GNAQ: variants seen among roughly 807,000 people sequenced by gnomAD.
GNAQ encodes G protein subunit alpha q.
A neutral mutation model predicts 43.9 loss-of-function variants in GNAQ; 8 were observed. That is an observed-to-expected ratio of 0.18 (90% CI 0.11 to 0.33). The LOEUF is 0.33. Ranked by LOEUF, GNAQ falls within the 10% of genes least tolerant of loss-of-function variation. GNAQ has a pLI of 1.00. For synonymous variants in GNAQ, 155 were observed against 170.7 expected (o/e 0.91, Z 0.71); for missense variants, 158 against 450.8 (o/e 0.35, Z 5.88).
intron 5 of GNAQ, among the ~76,000 whole-genome samples, chr9:77,791,695 T>C (rs2118434413): frequency 6.6e-6 from 1 of 152,274 alleles, no homozygotes; most frequent in South Asian, 2.1e-4. Flanking sequence ...GCAAAAGCAA[T>C]AATCTAAAAT....
intron 2 of GNAQ, among the ~76,000 whole-genome samples, chr9:77,910,156 A>G (rs1279259046): frequency 1.3e-5 from 2 of 152,206 alleles, no homozygotes; most frequent in Admixed American, 1.3e-4. Context: ...TTTGCTAAAT[A>G]TTAAGTAAGC....
chr9:77,998,809 G>A (rs1348844207), intron 1 of GNAQ, among the ~76,000 whole-genome samples: 5 of 151,968 alleles, frequency 3.3e-5, no homozygotes, highest in African/African-American at 7.2e-5. Flanking sequence ...TAAAAGGGCC[G>A]GGCACGGTGG....
At chr9:77,989,688 C>A (rs1482269996) in intron 1 of GNAQ, among the ~76,000 whole-genome samples, 1 of 152,220 alleles carries the variant, frequency 6.6e-6, no homozygotes, top group Admixed American at 6.5e-5. Context: ...ACATCTGGAG[C>A]CTTCCCTACC....
intron 6 of GNAQ, among the ~76,000 whole-genome samples, chr9:77,723,140 G>A (rs1024176557): frequency 1.3e-5 from 2 of 152,180 alleles, no homozygotes; most frequent in Non-Finnish European, 2.9e-5. Flanking sequence ...TGGTCAATAA[G>A]CACAGGAAAA....
At chr9:77,848,257 T>A (rs574584707) in intron 2 of GNAQ, among the ~76,000 whole-genome samples, 1 of 152,200 alleles carries the variant, frequency 6.6e-6, no homozygotes, top group African/African-American at 2.4e-5. Context: ...CTCAGTAAAG[T>A]TGAAAGTAAA....
intron 2 of GNAQ, among the ~76,000 whole-genome samples, chr9:77,870,324 G>GTTTTTTTTTTTTTTTTTTTTTTTT (rs781464413): frequency 9.0e-6 from 1 of 111,130 alleles, no homozygotes; most frequent in Non-Finnish European, 1.8e-5. Flanking sequence ...TTTGGTGCTA[G>GTTTTTTTTTTTTTTTTTTTTTTTT]TTTTTTTTTT....
chr9:77,797,758 G>GA, intron 3 of GNAQ, 110 bp from the exon 4 acceptor site: 1 of 918,612 alleles, frequency 1.1e-6, no homozygotes, highest in Non-Finnish European at 1.7e-6. Context: ...AGAAGAGAAA[G>GA]AAAAATATCA....
intron 1 of GNAQ, among the ~76,000 whole-genome samples, chr9:77,965,810 C>A (rs1028350747): frequency 6.6e-6 from 1 of 150,832 alleles, no homozygotes; most frequent in Admixed American, 6.6e-5. Flanking sequence ...TGTGTTCCAG[C>A]CATTCCAGTC....
intron 2 of GNAQ, among the ~76,000 whole-genome samples, chr9:77,902,275 A>G (rs1042627636): frequency 3.9e-5 from 6 of 152,230 alleles, no homozygotes; most frequent in Non-Finnish European, 1.5e-5. Context: ...ACTTGTTATC[A>G]TAATAATTAA....
chr9:77,822,580 A>T (rs1270503550), intron 2 of GNAQ, among the ~76,000 whole-genome samples: 1 of 151,860 alleles, frequency 6.6e-6, no homozygotes, highest in East Asian at 1.9e-4. Context: ...TTCAGTTGGT[A>T]GAATTCAGAC....
chr9:77,825,607 GTTAACAATGCA>G (rs1422776349), intron 2 of GNAQ, among the ~76,000 whole-genome samples: 1 of 152,206 alleles, frequency 6.6e-6, no homozygotes, highest in East Asian at 1.9e-4. Context: ...GAGAGATGCA[GTTAACAATGCA>G]TCTGGGAAGG....
chr9:77,971,874 G>A (rs550677059), intron 1 of GNAQ, among the ~76,000 whole-genome samples: 18 of 152,272 alleles, frequency 1.2e-4, no homozygotes, highest in Non-Finnish European at 2.2e-4. Flanking sequence ...TCCCTTGTAA[G>A]TTGTATGTTG....
At chr9:77,833,059 C>T (rs1247939156) in intron 2 of GNAQ, among the ~76,000 whole-genome samples, 2 of 152,144 alleles carry the variant, frequency 1.3e-5, no homozygotes, top group Admixed American at 6.5e-5. Context: ...CTCTGCCTCC[C>T]GGGTTCAAGC....
intron 2 of GNAQ, among the ~76,000 whole-genome samples, chr9:77,837,662 A>AC (rs1043854683): frequency 6.6e-6 from 1 of 151,962 alleles, no homozygotes; most frequent in Non-Finnish European, 1.5e-5. Flanking sequence ...TTCTAAAAAA[A>AC]AAATCAAAAT....
At chr9:77,915,653 G>GGTGGT (rs1335180521) in intron 2 of GNAQ, among the ~76,000 whole-genome samples, 2 of 151,426 alleles carry the variant, frequency 1.3e-5, no homozygotes, top group Non-Finnish European at 2.9e-5. Context: ...CGGGGGTGGG[G>GGTGGT]GTGGTGTGGA....
chr9:77,835,187 T>G (rs1225862068), intron 2 of GNAQ, among the ~76,000 whole-genome samples: 3 of 151,992 alleles, frequency 2.0e-5, no homozygotes, highest in Non-Finnish European at 4.4e-5. Flanking sequence ...ATTTAAAACT[T>G]ATAAACCGTT....
At chr9:77,938,845 A>C (rs1290602580) in intron 1 of GNAQ, among the ~76,000 whole-genome samples, 1 of 152,210 alleles carries the variant, frequency 6.6e-6, no homozygotes, top group East Asian at 1.9e-4. Context: ...TGGAAGGGAA[A>C]CGCTGCTAAG....
At chr9:77,969,705 C>T (rs1587437527) in intron 1 of GNAQ, among the ~76,000 whole-genome samples, 1 of 152,196 alleles carries the variant, frequency 6.6e-6, no homozygotes, top group African/African-American at 2.4e-5. Context: ...CAGTTCAACA[C>T]TATGGATTTT....
chr9:77,896,174 T>A (rs796625840), intron 2 of GNAQ, among the ~76,000 whole-genome samples: 4 of 152,316 alleles, frequency 2.6e-5, no homozygotes, highest in African/African-American at 9.6e-5. Flanking sequence ...AGTTAATACA[T>A]GATCCCCATT....
Sources: allele counts gnomAD v4.1 joint callset (sites outside exome capture counted in the v4.1 genomes callset), GRCh38; gene constraint gnomAD v4.1.1; transcripts MANE v1.5; gene names NCBI Gene and HGNC (gene_info 2026-07-23, HGNC 2026-07-21).